The following PIBF1 variants were observed in gnomAD, a reference collection of about 807,000 sequenced individuals.
The protein encoded by PIBF1 is progesterone-induced-blocking factor 1.
A neutral mutation model predicts 112.5 loss-of-function variants in PIBF1; 90 were observed. That is an observed-to-expected ratio of 0.80 (90% CI 0.67 to 0.95). The LOEUF (loss-of-function observed/expected upper bound fraction) is 0.95, where lower values mean the gene tolerates loss of function less well. Ranked by LOEUF, PIBF1 falls within the 40% of genes least tolerant of loss-of-function variation. The pLI, the probability that PIBF1 is intolerant of heterozygous loss-of-function variation, is 0.00. For synonymous variants in PIBF1, 301 were observed against 288.6 expected (o/e 1.04, Z -0.44); for missense variants, 915 against 852.3 (o/e 1.07, Z -0.92).
At chr13:72,890,142 T>A (rs1048571927) in intron 10 of PIBF1, among the ~76,000 whole-genome samples, 1 of 152,080 alleles carries the variant, frequency 6.6e-6, no homozygotes, top group Non-Finnish European at 1.5e-5. Flanking sequence ...CAATGTAAAT[T>A]TTGTTATGAA....
intron 10 of PIBF1, among the ~76,000 whole-genome samples, chr13:72,888,371 G>A (rs1449952412): frequency 6.6e-6 from 1 of 152,056 alleles, no homozygotes; most frequent in Non-Finnish European, 1.5e-5. Context: ...ATCAAATATT[G>A]GTGAGGAGAT....
At chr13:72,914,373 T>C (rs2041010179) in intron 12 of PIBF1, among the ~76,000 whole-genome samples, 1 of 151,762 alleles carries the variant, frequency 6.6e-6, no homozygotes, top group Non-Finnish European at 1.5e-5. Flanking sequence ...AAACTCATAT[T>C]AGAAAAAAAA....
chr13:72,995,555 G>A (rs1162044842), intron 16 of PIBF1, among the ~76,000 whole-genome samples: 1 of 152,148 alleles, frequency 6.6e-6, no homozygotes, highest in Non-Finnish European at 1.5e-5. Context: ...TTCAGTACAT[G>A]ATGTTGTTAT....
At chr13:72,797,182 G>A (rs1185801098) in intron 4 of PIBF1, among the ~76,000 whole-genome samples, 1 of 151,970 alleles carries the variant, frequency 6.6e-6, no homozygotes, top group East Asian at 1.9e-4. Context: ...TCCACTGTAG[G>A]GACAGCAGTA....
At position 72,783,716 on chromosome 13, in the gene PIBF1, AC is replaced by A. The variant is rs1329848633; in HGVS notation, c.248del (p.Thr83LysfsTer20). On this transcript the variant is annotated frameshift_variant, in exon 2 of 18. Coordinates refer to ENST00000326291, the MANE Select transcript of PIBF1 (RefSeq NM_006346.4). LOFTEE classifies it high-confidence loss of function. Reference sequence around the variant, plus strand: ...CGACAATTTGAAAGTGGATTATCTTACAAAGGTAAGATCAGGTTTAAATTTT... The same window carrying A: ...CGACAATTTGAAAGTGGATTATCTTAAAAGGTAAGATCAGGTTTAAATTTT... ...MIDNLKVDYL[T>X]KIEELEEKLN... 2 of 1,613,496 alleles carry A rather than the reference AC, an allele frequency of 1.2e-6. No individual in the cohort carries two copies. The highest frequency in any genetic ancestry group is 1.7e-6 in the Non-Finnish European group (2 of 1,179,620).
intron 17 of PIBF1, among the ~76,000 whole-genome samples, chr13:73,004,212 C>T (rs1196940902): frequency 6.6e-6 from 1 of 151,982 alleles, no homozygotes; most frequent in Non-Finnish European, 1.5e-5. Context: ...TGATATTGGC[C>T]AGGCGCGGTG....
intron 16 of PIBF1, among the ~76,000 whole-genome samples, chr13:72,982,023 A>G (rs958922862): frequency 2.0e-5 from 3 of 152,226 alleles, no homozygotes; most frequent in Non-Finnish European, 4.4e-5. Context: ...AAATAAAGGT[A>G]ATATCTACTT....
intron 16 of PIBF1, among the ~76,000 whole-genome samples, chr13:72,989,891 T>C (rs541950040): frequency 1.2e-4 from 19 of 152,188 alleles, no homozygotes; most frequent in African/African-American, 4.3e-4. Context: ...TTTTGTGTCA[T>C]TGAAAATTTC....
At chr13:72,888,626 GAATT>G (rs939426364) in intron 10 of PIBF1, among the ~76,000 whole-genome samples, 9 of 151,924 alleles carry the variant, frequency 5.9e-5, no homozygotes, top group Middle Eastern at 3.4e-3. Flanking sequence ...AAATAAATTG[GAATT>G]AATTAAATGA....
chr13:72,905,970 C>G (rs533928879), intron 11 of PIBF1, among the ~76,000 whole-genome samples: 23 of 152,272 alleles, frequency 1.5e-4, no homozygotes, highest in African/African-American at 5.5e-4. Flanking sequence ...ATCATTGTGT[C>G]AGCAGTGCTT....
intron 9 of PIBF1, among the ~76,000 whole-genome samples, chr13:72,843,799 T>C (rs2037717959): frequency 1.3e-5 from 2 of 152,296 alleles, no homozygotes; most frequent in Middle Eastern, 3.4e-3. Context: ...TAGAGATGTT[T>C]CTCTGCTGTG....
chr13:72,945,345 G>A (rs1227391843), intron 14 of PIBF1, among the ~76,000 whole-genome samples: 1 of 152,166 alleles, frequency 6.6e-6, no homozygotes, highest in Non-Finnish European at 1.5e-5. Context: ...ATGGTGCTGT[G>A]ATGGGCATGT....
At chr13:72,923,802 T>TA (rs1388872447) in intron 13 of PIBF1, among the ~76,000 whole-genome samples, 8 of 152,016 alleles carry the variant, frequency 5.3e-5, no homozygotes, top group Non-Finnish European at 7.4e-5. Flanking sequence ...CCACCTCTAC[T>TA]AAAAAGACAA....
intron 9 of PIBF1, among the ~76,000 whole-genome samples, chr13:72,840,568 G>A (rs971124342): frequency 3.5e-5 from 5 of 144,656 alleles, no homozygotes; most frequent in Non-Finnish European, 6.0e-5. Flanking sequence ...CTGTCACCCA[G>A]ACTGGAGTGC....
intron 8 of PIBF1, among the ~76,000 whole-genome samples, chr13:72,834,688 TTTACTC>T (rs2037276383): frequency 2.0e-5 from 3 of 151,986 alleles, no homozygotes; most frequent in African/African-American, 7.2e-5. Flanking sequence ...AAAGGTAAAT[TTTACTC>T]TTAAAGAGTT....
At chr13:72,955,907 A>C (rs1272653401) in intron 14 of PIBF1, among the ~76,000 whole-genome samples, 1 of 152,184 alleles carries the variant, frequency 6.6e-6, no homozygotes, top group Non-Finnish European at 1.5e-5. Flanking sequence ...GGACTTTGTC[A>C]GCCATCTGAG....
intron 14 of PIBF1, among the ~76,000 whole-genome samples, chr13:72,949,787 T>A (rs1217373261): frequency 1.3e-5 from 2 of 151,956 alleles, no homozygotes; most frequent in Non-Finnish European, 1.5e-5. Context: ...TGTTTCTTTT[T>A]TTATTATTAT....
intron 12 of PIBF1, among the ~76,000 whole-genome samples, chr13:72,909,125 TTCTGTATTTCAAATATTTGTTCATCTTCA>T (rs1350863592): frequency 6.6e-6 from 1 of 152,188 alleles, no homozygotes; most frequent in Non-Finnish European, 1.5e-5. Context: ...CTAAATAAAA[TTCTGTATTTCAAATATTTGTTCATCTTCA>T]TCTTAGAAAT....
At chr13:73,014,085 C>A (rs2139069923) in intron 17 of PIBF1, among the ~76,000 whole-genome samples, 1 of 151,360 alleles carries the variant, frequency 6.6e-6, no homozygotes, top group Non-Finnish European at 1.5e-5. Context: ...CCTCCCCTCC[C>A]CCTTTTTCCT....
Sources: gnomAD v4.1 joint callset for allele counts (sites outside exome capture counted in the v4.1 genomes callset) on GRCh38, gnomAD v4.1.1 for gene constraint, MANE v1.5 for transcripts, NCBI Gene and HGNC (gene_info 2026-07-23, HGNC 2026-07-21) for gene names.